The following MGARP variants were observed in gnomAD, a reference collection of about 807,000 sequenced individuals.
MGARP encodes mitochondria localized glutamic acid rich protein, also known as protein MGARP.
MGARP carries 12 observed loss-of-function variants against 11.0 expected under a neutral mutation model. The ratio of observed to expected loss-of-function variants is 1.09; its 90% CI spans 0.70 to 1.77. MGARP has a LOEUF of 1.77. Among genes scored for constraint, MGARP ranks in the 40% most tolerant of loss-of-function variants. The pLI, the probability that MGARP is intolerant of heterozygous loss-of-function variation, is 0.00. For missense variants in MGARP, 283 were observed against 297.8 expected (o/e 0.95, Z 0.36); for synonymous variants, 110 against 115.4 (o/e 0.95, Z 0.30).
intron 1 of MGARP, among the ~76,000 whole-genome samples, chr4:139,279,444 G>C (rs917430745): frequency 6.6e-6 from 1 of 152,144 alleles, no homozygotes; most frequent in Non-Finnish European, 1.5e-5. Context: ...AACCTCAAAG[G>C]AAAGTGTCCC....
rs757788908 is a variant in MGARP, at chr4:139,266,922, T to C, written c.400A>G (p.Lys134Glu). The C allele has an allele frequency of 8.1e-6, 13 of 1,614,048 alleles. No homozygotes were observed. The highest frequency in any genetic ancestry group is 2.7e-5 in the African/African-American group (2 of 74,920). Reference protein sequence around the residue: ...ESPSATVVVIKEASACPGHVE... With the variant: ...ESPSATVVVIEEASACPGHVE... The stretch of plus-strand genomic sequence containing the variant: ...TGACCTGGACAGGCAGATGCCTCTT[T>C]TATGACCACAACTGTAGCACTGGGA... Residue 134 changes from lysine (K) to glutamate (E), a missense_variant, in exon 4 of 4, where the codon AAA (lysine) becomes GAA (glutamate). Coordinates refer to ENST00000398955, the MANE Select transcript of MGARP (RefSeq NM_032623.4).
chr4:139,275,378 T>G lies in MGARP; in HGVS notation c.97A>C (p.Met33Leu). 1 of 1,613,790 alleles carries G rather than the reference T, an allele frequency of 6.2e-7. No homozygotes were observed. Among genetic ancestry groups the G allele is most frequent in the South Asian group, 1.1e-5 (1 of 91,022 alleles). The change falls in exon 2 of 4, where the codon ATG becomes CTG. Residue 33 changes from methionine to leucine, a missense_variant. Transcript: ENST00000398955. ...PLGKDASLRR[M>L]SSNRFPGSSG... ...GATCCAGGGAATCTGTTAGATGACATCCGGCGCAGAGATGCTAGGAAAAAA... is the reference window on the plus strand; with the variant it reads ...GATCCAGGGAATCTGTTAGATGACAGCCGGCGCAGAGATGCTAGGAAAAAA...
intron 2 of MGARP, among the ~76,000 whole-genome samples, chr4:139,269,472 T>C (rs1231427652): frequency 6.6e-6 from 1 of 151,678 alleles, no homozygotes; most frequent in Non-Finnish European, 1.5e-5. Flanking sequence ...CTACTAAAAA[T>C]ACAAAAACAG....
Position 139,269,630 on chromosome 4 carries a change from CAAAAAAA to C in MGARP, c.187-872_187-866del, listed in dbSNP as rs56142345. ...TGGGCGACAGAGCAAGACTCCATCTCAAAAAAAAAAAAAAAAAGAAAAAAGAAAGAAA... is the reference window on the plus strand; with the variant it reads ...TGGGCGACAGAGCAAGACTCCATCTCAAAAAAAAAAGAAAAAAGAAAGAAA... On this transcript the variant is annotated intron_variant, in intron 2 of 3. Transcript: ENST00000398955. Among the ~76,000 whole-genome samples, 15 of 81,856 alleles carry C rather than the reference CAAAAAAA, an allele frequency of 1.8e-4. No homozygotes were observed. In the East Asian group the frequency reaches 2.0e-3, roughly 11 times the overall value. 53.7% of individuals were successfully genotyped at this position (81,856 alleles called of 152,430 possible). A position where few individuals can be genotyped will look rare whatever the true frequency, so the allele number is the denominator to read the frequency against.
intron 1 of MGARP, among the ~76,000 whole-genome samples, chr4:139,275,642 G>A (rs1744855278): frequency 6.6e-6 from 1 of 152,190 alleles, no homozygotes; most frequent in African/African-American, 2.4e-5. Flanking sequence ...TGGAAGGGGT[G>A]CAGGTGTGGG....
rs1184511541 is a variant in MGARP, at chr4:139,266,622, C to G, written c.700G>C (p.Glu234Gln). 1.2e-6 allele frequency: 2 copies of G among 1,613,476 alleles called. No homozygotes were observed. The highest frequency in any genetic ancestry group is 1.7e-6 in the Non-Finnish European group (2 of 1,179,858). ...GATTAGCCTTGAGCCGAAGCAGCCT[C>G]AGAGCCAACACTGGCTTCCTCCTGT... ...DLQEEASVGS[E>Q]AASAQG The change falls in exon 4 of 4, where the codon GAG becomes CAG. Residue 234 changes from glutamate (E) to glutamine (Q), a missense_variant. By Grantham distance (29) the Glu-to-Gln change is conservative. Coordinates refer to ENST00000398955, the MANE Select transcript of MGARP (RefSeq NM_032623.4).
chr4:139,273,451 G>T (rs564980341), intron 2 of MGARP, among the ~76,000 whole-genome samples: 1 of 150,918 alleles, frequency 6.6e-6, no homozygotes, highest in Non-Finnish European at 1.5e-5. Flanking sequence ...TCAAACTCCC[G>T]GACTCAAGCC....
At chr4:139,272,686 C>CTTTT (rs774228171) in intron 2 of MGARP, among the ~76,000 whole-genome samples, 11 of 111,212 alleles carry the variant, frequency 9.9e-5, no homozygotes, top group Admixed American at 1.9e-4. Flanking sequence ...ATTCATATTT[C>CTTTT]TTTTTTTTTT....
chr4:139,274,415 C>T (rs756778851), intron 2 of MGARP, among the ~76,000 whole-genome samples: 1 of 151,864 alleles, frequency 6.6e-6, no homozygotes, highest in Non-Finnish European at 1.5e-5. Context: ...GTACTTTCTG[C>T]TCATTATTTT....
intron 2 of MGARP, among the ~76,000 whole-genome samples, chr4:139,272,598 T>C (rs978733935): frequency 2.0e-5 from 3 of 150,666 alleles, no homozygotes; most frequent in South Asian, 4.2e-4. Flanking sequence ...GATTAGAATA[T>C]GTATTTTGGT....
At chr4:139,275,509 G>T in intron 1 of MGARP, 117 bp from the exon 2 acceptor site, 1 of 721,122 alleles carries the variant, frequency 1.4e-6, no homozygotes, top group South Asian at 1.8e-5. Context: ...AACATCAAGT[G>T]ATTTTAGCTT....
rs761612817 is a variant in MGARP, at chr4:139,266,853, C to A, written c.469G>T (p.Gly157Trp). 4 of 1,614,146 alleles carry A rather than the reference C, an allele frequency of 2.5e-6. No homozygotes were observed. The East Asian group carries it at 8.9e-5, about 36-fold the overall frequency. The change falls in exon 4 of 4, where the codon GGG becomes TGG. Residue 157 changes from glycine (G) to tryptophan (W), a missense_variant. By Grantham distance (184) the Gly-to-Trp change is radical. Coordinates refer to ENST00000398955, the MANE Select transcript of MGARP (RefSeq NM_032623.4). ...PETTAVSAET[G>W]PEVTDAAARE... ...GCCGCTGCATCTGTGACCTCTGGCC[C>A]GGTTTCAGCACTGACTGCTGTGGTC...
intron 1 of MGARP, 64 bp from the exon 2 acceptor site, chr4:139,275,456 A>T: frequency 7.5e-7 from 1 of 1,331,954 alleles, no homozygotes; most frequent in South Asian, 1.3e-5. Context: ...TTAAATAATT[A>T]CATCTTTCAA....
intron 2 of MGARP, among the ~76,000 whole-genome samples, chr4:139,274,224 G>A (rs116422208): frequency 0.012 from 1,768 of 152,138 alleles, 12 homozygotes; most frequent in East Asian, 0.029. Context: ...GGATGATATT[G>A]TAATATATTT....
At chr4:139,272,546 G>C (rs1744799993) in intron 2 of MGARP, among the ~76,000 whole-genome samples, 1 of 121,050 alleles carries the variant, frequency 8.3e-6, no homozygotes, top group Non-Finnish European at 1.6e-5. Context: ...ACGAGAGCGA[G>C]ACTCTGTCCC....
rs1222687748 is a variant in MGARP at position 139,266,335 on chromosome 4, G to GA, written c.*263dup. The stretch of plus-strand genomic sequence containing the variant: ...GACTGGGATAAAAGAAAAGTGTCTA[G>GA]AAAAAAAAACCAAAGATGAAACTAT... On this transcript the variant is annotated 3_prime_UTR_variant, in exon 4 of 4. Transcript: ENST00000398955. 2,194 of 333,300 alleles carry GA rather than the reference G, an allele frequency of 6.6e-3. No individual in the cohort carries two copies. The highest frequency in any genetic ancestry group is 0.014 in the Middle Eastern group (16 of 1,126). 20.6% of individuals were successfully genotyped at this position (333,300 alleles called of 1,614,324 possible). A position where few individuals can be genotyped will look rare whatever the true frequency, so the allele number is the denominator to read the frequency against.
chr4:139,271,396 G>A (rs1049831131), intron 2 of MGARP, among the ~76,000 whole-genome samples: 1 of 152,020 alleles, frequency 6.6e-6, no homozygotes, highest in Admixed American at 6.6e-5. Context: ...CGTGGTGGCA[G>A]GCGCCTGTAA....
chr4:139,269,356 C>T (rs533318692), intron 2 of MGARP, among the ~76,000 whole-genome samples: 24 of 152,132 alleles, frequency 1.6e-4, no homozygotes, highest in South Asian at 8.3e-4. Context: ...AGGCCGGGTG[C>T]GGTGGCTCAT....
Position 139,280,220 on chromosome 4 carries a change from G to A in MGARP, c.-62C>T. On this transcript the variant is annotated 5_prime_UTR_variant, in exon 1 of 4. Transcript: ENST00000398955. ...CAGGCGCAGGCTGCCCTTCCACAGA[G>A]AGGCTGAGAGCCTGGCAGCGCCCCG... The A allele has an allele frequency of 2.0e-6, 3 of 1,500,322 alleles. No homozygotes were observed. Among genetic ancestry groups the A allele is most frequent in the South Asian group, 2.5e-5 (2 of 81,608 alleles). 92.9% of individuals were successfully genotyped at this position (1,500,322 alleles called of 1,614,324 possible). A position where few individuals can be genotyped will look rare whatever the true frequency, so the allele number is the denominator to read the frequency against.
Sources: gnomAD v4.1 joint callset for allele counts (sites outside exome capture counted in the v4.1 genomes callset) on GRCh38, gnomAD v4.1.1 for gene constraint, MANE v1.5 for transcripts, NCBI Gene and HGNC (gene_info 2026-07-23, HGNC 2026-07-21) for gene names.